COL4A2: variants seen among roughly 807,000 people sequenced by gnomAD.
COL4A2 encodes the protein collagen type IV alpha 2 chain, also known as collagen alpha-2(IV) chain.
Under a neutral mutation model 200.2 loss-of-function variants are expected in COL4A2, and 99 were observed. The observed-to-expected ratio is 0.49, with a 90% CI of 0.42 to 0.58. The LOEUF is 0.58. COL4A2 is among the 20% of genes least tolerant of loss of function. The pLI is 0.00. For missense variants in COL4A2, 1,950 were observed against 2,314.1 expected, an observed-to-expected ratio of 0.84 and a Z score of 3.23; for synonymous variants, 897 against 900.6, an observed-to-expected ratio of 1.00 and a Z score of 0.07.
In COL4A2 at chr13:110,416,114, G is replaced by A. The variant is rs540333176; in HGVS notation, c.181-8620G>A. Among the ~76,000 whole-genome samples the A allele has an allele frequency of 5.3e-5, 8 of 152,354 alleles. No homozygotes were observed. In the East Asian group the frequency reaches 9.6e-4, roughly 18 times the overall value. On this transcript the variant is annotated intron_variant, in intron 4 of 47. Coordinates refer to ENST00000360467, the MANE Select transcript of COL4A2 (RefSeq NM_001846.4). The stretch of plus-strand genomic sequence containing the variant: ...CTATGCTAATTGTCACTCTCTAACC[G>A]TGTAAGTGGAGGCCACCAGCACAGC...
At chr13:110,376,480 A>C (rs911604727) in intron 4 of COL4A2, among the ~76,000 whole-genome samples, 7 of 147,734 alleles carry the variant, frequency 4.7e-5, no homozygotes, top group South Asian at 2.1e-4. Flanking sequence ...CCCCCCACCC[A>C]AAAAAAAATC....
At chr13:110,477,929 G>A (rs1225152295) in intron 29 of COL4A2, 74 bp from the exon 30 acceptor site, 2 of 1,310,854 alleles carry the variant, frequency 1.5e-6, no homozygotes, top group Non-Finnish European at 2.0e-6. Context: ...CAGAATGAGT[G>A]TGTGGAGGGA....
rs1378626069 is a variant in COL4A2 at position 110,469,205 on chromosome 13, T to G, written c.2096-12T>G. On this transcript the variant is annotated splice_polypyrimidine_tract_variant and intron_variant, in intron 27 of 47. Transcript: ENST00000360467. ...GAGCCTGATGTGGTTTGTGGTTTAT[T>G]TGGTTATTTAGGTGCCAAAGGCCTC... is the stretch of plus-strand genomic sequence containing the variant. 18 of 1,574,332 alleles carry G rather than the reference T, an allele frequency of 1.1e-5. No homozygotes were observed. Among genetic ancestry groups the G allele is most frequent in the Non-Finnish European group, 1.5e-5 (17 of 1,158,722 alleles).
At chr13:110,395,588 AC>A (rs1381482664) in intron 4 of COL4A2, among the ~76,000 whole-genome samples, 2 of 152,220 alleles carry the variant, frequency 1.3e-5, no homozygotes, top group Non-Finnish European at 2.9e-5. Flanking sequence ...ACTGGATATA[AC>A]ATTTTGTTTC....
At chr13:110,455,514 G>A (rs7327139) in intron 20 of COL4A2, among the ~76,000 whole-genome samples, 1 of 151,896 alleles carries the variant, frequency 6.6e-6, no homozygotes, top group East Asian at 1.9e-4. Context: ...TTGAAAATCC[G>A]CATTAGTGTG....
At chr13:110,431,273 CTCACAGGAAGCCA>C (rs1202646528) in intron 10 of COL4A2, among the ~76,000 whole-genome samples, 3 of 152,286 alleles carry the variant, frequency 2.0e-5, no homozygotes, top group African/African-American at 7.2e-5. Flanking sequence ...GAGAGATCTT[CTCACAGGAAGCCA>C]TTGCTCAAGA....
chr13:110,419,339 C>T (rs539960579), intron 4 of COL4A2, among the ~76,000 whole-genome samples: 18 of 152,280 alleles, frequency 1.2e-4, no homozygotes, highest in African/African-American at 3.6e-4. Flanking sequence ...GTAGTGAAGC[C>T]AGTTTTATCC....
At chr13:110,431,424 A>T (rs774092426) in intron 10 of COL4A2, among the ~76,000 whole-genome samples, 1 of 152,178 alleles carries the variant, frequency 6.6e-6, no homozygotes, top group Admixed American at 6.5e-5. Flanking sequence ...TTCTCTTCAG[A>T]TTATAATAAA....
rs928834500 is a variant in COL4A2 at position 110,378,955 on chromosome 13, C to T, written c.180+21403C>T. ...GCCTCCGTGTCCCACCTCACGCACTCTCCGGCTCCTGTAAAGGGGAGATCA... is the reference window on the plus strand; with the variant it reads ...GCCTCCGTGTCCCACCTCACGCACTTTCCGGCTCCTGTAAAGGGGAGATCA... On this transcript the variant is annotated intron_variant, in intron 4 of 47. Coordinates refer to ENST00000360467, the MANE Select transcript of COL4A2 (RefSeq NM_001846.4). 3.9e-5 allele frequency among the ~76,000 whole-genome samples: 6 copies of T among 152,338 alleles called. No individual in the cohort carries two copies. The South Asian group carries it at 1.2e-3, about 32-fold the overall frequency.
At chr13:110,414,588 C>T (rs906506356) in intron 4 of COL4A2, among the ~76,000 whole-genome samples, 101 of 152,350 alleles carry the variant, frequency 6.6e-4, no homozygotes, top group African/African-American at 2.2e-3. Flanking sequence ...CCGACCCCCC[C>T]GATCTCTCTC....
intron 3 of COL4A2, among the ~76,000 whole-genome samples, chr13:110,346,214 T>G (rs1594160196): frequency 6.6e-6 from 1 of 152,340 alleles, no homozygotes; most frequent in East Asian, 1.9e-4. Context: ...TTTGGGGCGT[T>G]GTTTCCTGCG....
chr13:110,325,467 G>A (rs916407900), intron 3 of COL4A2, among the ~76,000 whole-genome samples: 10 of 152,134 alleles, frequency 6.6e-5, no homozygotes, highest in East Asian at 1.9e-4. Context: ...GAAAGAAACC[G>A]CCTATTAGAG....
intron 4 of COL4A2, among the ~76,000 whole-genome samples, chr13:110,392,156 G>T (rs1191898581): frequency 3.9e-5 from 6 of 152,192 alleles, no homozygotes; most frequent in African/African-American, 1.4e-4. Flanking sequence ...GAAAGTCACG[G>T]TTGAATATGG....
intron 3 of COL4A2, among the ~76,000 whole-genome samples, chr13:110,310,906 G>C (rs905172160): frequency 2.0e-5 from 3 of 152,172 alleles, no homozygotes; most frequent in African/African-American, 7.2e-5. Flanking sequence ...AGCCACAAAG[G>C]GTTTGCAGCC....
chr13:110,343,468 G>A (rs1296917163), intron 3 of COL4A2, among the ~76,000 whole-genome samples: 1 of 152,204 alleles, frequency 6.6e-6, no homozygotes, highest in Non-Finnish European at 1.5e-5. Flanking sequence ...TCTGAAAGCT[G>A]CCAGGCGTGA....
chr13:110,466,188 A>T, intron 26 of COL4A2, 126 bp downstream of exon 26: 1 of 1,127,458 alleles, frequency 8.9e-7, no homozygotes, highest in Non-Finnish European at 1.3e-6. Context: ...TTTGATTTCC[A>T]TGGCACAACA....
At chr13:110,417,597 T>G (rs974215316) in intron 4 of COL4A2, among the ~76,000 whole-genome samples, 1 of 152,224 alleles carries the variant, frequency 6.6e-6, no homozygotes, top group Non-Finnish European at 1.5e-5. Flanking sequence ...CCAGAAACTT[T>G]CCTTGTGCCC....
rs7990017 is a variant in COL4A2 at position 110,307,358 on chromosome 13, C to T, written c.-215C>T. On this transcript the variant is annotated 5_prime_UTR_variant, in exon 1 of 48. Transcript: ENST00000360467. This position sits in a 1 kb window ranked among gnomAD's most constrained non-coding sequence, Gnocchi z 5.0. ...AAGAGGCTCCCGCGTCCCAACCCCT[C>T]GCGCCCGCGCGTTCGCGGATCCAGG... 127,478 of 260,090 alleles carry T rather than the reference C, an allele frequency of 0.49. 31,514 individuals carry two copies. The highest frequency in any genetic ancestry group is 0.59 in the Admixed American group (10,707 of 18,100). 16.1% of individuals were successfully genotyped at this position (260,090 alleles called of 1,614,324 possible).
At chr13:110,309,270 G>T (rs1884906470) in intron 3 of COL4A2, among the ~76,000 whole-genome samples, 1 of 152,236 alleles carries the variant, frequency 6.6e-6, no homozygotes, top group Non-Finnish European at 1.5e-5. Context: ...GGTTTGGGAA[G>T]TAAGAGGAGG....
Sources: allele counts gnomAD v4.1 joint callset (sites outside exome capture counted in the v4.1 genomes callset), GRCh38; gene constraint gnomAD v4.1.1; non-coding constraint Gnocchi (gnomAD v3.1); transcripts MANE v1.5; gene names NCBI Gene and HGNC (gene_info 2026-07-23, HGNC 2026-07-21).